Variants in DENND4A observed in about 807,000 individuals in gnomAD.
DENND4A encodes the protein C-myc promoter-binding protein.
A neutral mutation model predicts 199.3 loss-of-function variants in DENND4A; 70 were observed. That is an observed-to-expected ratio of 0.35 (90% CI 0.29 to 0.43). The LOEUF (loss-of-function observed/expected upper bound fraction) is 0.43. Ranked by LOEUF, DENND4A falls within the 20% of genes least tolerant of loss-of-function variation. The pLI is 1.00. For synonymous variants in DENND4A, 686 were observed against 766.9 expected, an observed-to-expected ratio of 0.89 and a Z score of 1.74; for missense variants, 1,723 against 2,255.8, an observed-to-expected ratio of 0.76 and a Z score of 4.78.
At chr15:65,713,099 C>T (rs188710653) in intron 14 of DENND4A, among the ~76,000 whole-genome samples, 1 of 152,280 alleles carries the variant, frequency 6.6e-6, no homozygotes, top group Admixed American at 6.5e-5. Flanking sequence ...TAATACATTA[C>T]TACTACATAC....
intron 23 of DENND4A, among the ~76,000 whole-genome samples, chr15:65,685,299 T>A (rs1290530104): frequency 2.0e-5 from 3 of 152,166 alleles, no homozygotes; most frequent in Admixed American, 1.3e-4. Flanking sequence ...GCTAATTTTT[T>A]GTATTTTTAG....
At chr15:65,663,176 G>GTATATA (rs376016019) in intron 32 of DENND4A, among the ~76,000 whole-genome samples, 2 of 128,710 alleles carry the variant, frequency 1.6e-5, no homozygotes, top group African/African-American at 3.1e-5. Context: ...GTGTGTGTGT[G>GTATATA]TATATATATA....
intron 3 of DENND4A, among the ~76,000 whole-genome samples, chr15:65,755,502 A>G (rs1454337102): frequency 6.6e-6 from 1 of 152,218 alleles, no homozygotes; most frequent in African/African-American, 2.4e-5. Flanking sequence ...GTGGTGGCTC[A>G]CATCTGTAAT....
rs192430485 is a variant in DENND4A, at chr15:65,700,586, C to T, written c.2791G>A (p.Gly931Ser). ...HTVEQAPFNTGLIKVYATDDR... is the reference protein window; with the variant it reads ...HTVEQAPFNTSLIKVYATDDR... ...TCAGTAGCATATACTTTGATTAAAC[C>T]CGTATTAAAAGGTGCCTGCTCCACA... is the stretch of plus-strand genomic sequence containing the variant. Residue 931 changes from glycine to serine, a missense_variant, in exon 20 of 33, where the codon GGT becomes AGT. Gly to Ser is a moderately conservative substitution (Grantham distance 56). Transcript: ENST00000443035. 1.2e-3 allele frequency: 1,896 copies of T among 1,545,144 alleles called. 27 individuals carry two copies. In the Admixed American group the frequency reaches 0.021, roughly 17 times the overall value.
intron 12 of DENND4A, among the ~76,000 whole-genome samples, chr15:65,719,967 A>G (rs534031391): frequency 6.6e-6 from 1 of 152,316 alleles, no homozygotes; most frequent in East Asian, 1.9e-4. Context: ...ACCATGGACA[A>G]TTCTACAATG....
intron 1 of DENND4A, among the ~76,000 whole-genome samples, chr15:65,781,440 G>A (rs1567107552): frequency 2.0e-5 from 3 of 152,168 alleles, no homozygotes; most frequent in Non-Finnish European, 4.4e-5. Context: ...TAAGGAAATA[G>A]TTCCTAATAA....
At chr15:65,768,512 CAGT>C (rs2077042073) in intron 1 of DENND4A, among the ~76,000 whole-genome samples, 1 of 152,122 alleles carries the variant, frequency 6.6e-6, no homozygotes, top group Non-Finnish European at 1.5e-5. Flanking sequence ...TGAATGCTAA[CAGT>C]AGATTAGTTT....
chr15:65,738,369 A>C (rs1157865479), intron 6 of DENND4A, among the ~76,000 whole-genome samples: 1 of 152,180 alleles, frequency 6.6e-6, no homozygotes, highest in African/African-American at 2.4e-5. Context: ...GATAATGTCC[A>C]AGGTCCCTTC....
intron 7 of DENND4A, among the ~76,000 whole-genome samples, chr15:65,733,815 G>C (rs552979754): frequency 9.5e-4 from 144 of 152,310 alleles, no homozygotes; most frequent in African/African-American, 3.3e-3. Context: ...AACATGTGCT[G>C]TGTCAAACTC....
intron 24 of DENND4A, among the ~76,000 whole-genome samples, chr15:65,674,939 G>T (rs1414357266): frequency 6.6e-6 from 1 of 152,124 alleles, no homozygotes; most frequent in Non-Finnish European, 1.5e-5. Flanking sequence ...TTGGTTATTG[G>T]TTGATAATTA....
intron 12 of DENND4A, among the ~76,000 whole-genome samples, chr15:65,718,716 A>C (rs537999502): frequency 6.6e-6 from 1 of 151,650 alleles, no homozygotes; most frequent in South Asian, 2.1e-4. Flanking sequence ...AAATATTTCA[A>C]AAACTGCCCC....
chr15:65,686,115 G>C (rs1284193732), intron 23 of DENND4A, among the ~76,000 whole-genome samples: 2 of 152,204 alleles, frequency 1.3e-5, no homozygotes, highest in Non-Finnish European at 2.9e-5. Flanking sequence ...CCAATGTAGG[G>C]AGGGTTGCAG....
In DENND4A at chr15:65,761,367, C is replaced by T. The variant is rs1426028825; in HGVS notation, c.-30G>A. ...AAGCCAAAAACTACTTACACATTAC[C>T]GAAAGTTTCTCTCTGAAAAAGATGA... is the stretch of plus-strand genomic sequence containing the variant. On this transcript the variant is annotated 5_prime_UTR_variant, in exon 2 of 33. Transcript: ENST00000443035. The T allele has an allele frequency of 1.3e-5, 2 of 152,086 alleles. No individual in the cohort carries two copies. Among genetic ancestry groups the T allele is most frequent in the African/African-American group, 2.4e-5 (1 of 41,412 alleles). The allele number at this position is 152,086 out of a possible 1,614,324, so 9.4% of individuals were successfully genotyped here. A position where few individuals can be genotyped will look rare whatever the true frequency, so the allele number is the denominator to read the frequency against.
chr15:65,688,877 A>G (rs966843522), intron 23 of DENND4A, among the ~76,000 whole-genome samples: 1 of 151,942 alleles, frequency 6.6e-6, no homozygotes, highest in Non-Finnish European at 1.5e-5. Context: ...TGTTTTTTAT[A>G]TTTTGTCTGG....
chr15:65,766,715 T>C (rs1351343436), intron 1 of DENND4A: 4 of 151,976 alleles, frequency 2.6e-5, no homozygotes. Context: ...GGGCAGAGAG[T>C]GATCATCCAT....
Position 65,659,964 on chromosome 15 carries a change from T to G in DENND4A, c.*1887A>C, listed in dbSNP as rs1433684953. The G allele has an allele frequency of 4.4e-6, 1 of 226,420 alleles. No homozygotes were observed. The highest frequency in any genetic ancestry group is 2.3e-5 in the African/African-American group (1 of 44,094). The allele number at this position is 226,420 out of a possible 1,614,324, so 14.0% of individuals were successfully genotyped here. A position where few individuals can be genotyped will look rare whatever the true frequency, so the allele number is the denominator to read the frequency against. ...AGTAAACAACAATGAAAGCTGTTTT[T>G]AAAAGAATAAAAACCACCAACCACA... is the stretch of plus-strand genomic sequence containing the variant. On this transcript the variant is annotated 3_prime_UTR_variant, in exon 33 of 33. Transcript: ENST00000443035.
At position 65,729,199 on chromosome 15, in the gene DENND4A, G is replaced by A. The variant is rs1405947855; in HGVS notation, c.1360C>T (p.Leu454=). Residue 454 remains leucine (L), a synonymous_variant, in exon 11 of 33, where the codon CTG becomes TTG. Coordinates refer to ENST00000443035, the MANE Select transcript of DENND4A (RefSeq NM_001320835.1). ...WPCPYVPLCP[L]ALADVLSAPC... Reference sequence around the variant, plus strand: ...GCACTCAAGACATCTGCTAAAGCCAGTGGGCAGAGAGGAACATACGGGCAT... The same window carrying A: ...GCACTCAAGACATCTGCTAAAGCCAATGGGCAGAGAGGAACATACGGGCAT... The A allele has an allele frequency of 6.3e-6, 10 of 1,588,166 alleles. No individual in the cohort carries two copies. The highest frequency in any genetic ancestry group is 7.7e-6 in the Non-Finnish European group (9 of 1,166,466).
chr15:65,694,986 T>C (rs1191956598), intron 22 of DENND4A, among the ~76,000 whole-genome samples: 1 of 152,002 alleles, frequency 6.6e-6, no homozygotes. Flanking sequence ...CAGACAGCAA[T>C]GAAAGAACAA....
chr15:65,753,333 A>C (rs1321776794), intron 3 of DENND4A, among the ~76,000 whole-genome samples: 1 of 152,198 alleles, frequency 6.6e-6, no homozygotes, highest in Non-Finnish European at 1.5e-5. Context: ...CACTAGTAAA[A>C]AAATAAAAAT....
Sources: allele counts gnomAD v4.1 joint callset (sites outside exome capture counted in the v4.1 genomes callset), GRCh38; gene constraint gnomAD v4.1.1; transcripts MANE v1.5; gene names NCBI Gene and HGNC (gene_info 2026-07-23, HGNC 2026-07-21).